Variants in COBLL1 observed in about 807,000 individuals in gnomAD.
The protein encoded by COBLL1 is cordon-bleu WH2 repeat protein like 1, also known as cordon-bleu protein-like 1.
COBLL1 carries 50 observed loss-of-function variants against 94.8 expected under a neutral mutation model. That is an observed-to-expected ratio of 0.53 (90% CI 0.42 to 0.67). The LOEUF (loss-of-function observed/expected upper bound fraction) is 0.67. Ranked by LOEUF, COBLL1 falls within the 30% of genes least tolerant of loss-of-function variation. COBLL1 has a pLI of 0.00. For synonymous variants in COBLL1, 448 were observed against 473.8 expected, an observed-to-expected ratio of 0.95 and a Z score of 0.71; for missense variants, 1,362 against 1,348.7, an observed-to-expected ratio of 1.01 and a Z score of -0.15.
In COBLL1 at chr2:164,701,671, T is replaced by TA. The variant is rs3835923; in HGVS notation, c.1226-916dup. On this transcript the variant is annotated intron_variant, in intron 9 of 13. Transcript: ENST00000652658. Reference sequence around the variant, plus strand: ...TAGCTGTGGTTAACATTTCACTGTATAAAAAAAATGTATTTTATCACCAAC... The same window carrying TA: ...TAGCTGTGGTTAACATTTCACTGTATAAAAAAAAATGTATTTTATCACCAAC... 9.2e-5 allele frequency among the ~76,000 whole-genome samples: 14 copies of TA among 151,878 alleles called. No homozygotes were observed. The East Asian group carries it at 9.7e-4, about 10-fold the overall frequency.
chr2:164,841,131 A>T lies in COBLL1; in HGVS notation c.41+25T>A. On this transcript the variant is annotated intron_variant, in intron 2 of 13. Transcript: ENST00000652658. The surrounding 1 kb of genome is among the most constrained non-coding windows in gnomAD (Gnocchi z 5.5). ...CGCCGGCCTCGCCCTCCCCGGTGAG[A>T]GGCGGCGCGGCGCTCTGGGCTTACC... 8.1e-7 allele frequency: 1 copy of T among 1,229,294 alleles called. No individual in the cohort carries two copies. The allele number at this position is 1,229,294 out of a possible 1,614,324, so 76.1% of individuals were successfully genotyped here. A position where few individuals can be genotyped will look rare whatever the true frequency, so the allele number is the denominator to read the frequency against.
At chr2:164,703,551 CTGAGAG>C (rs1470541669) in intron 9 of COBLL1, 2 of 403,432 alleles carry the variant, frequency 5.0e-6, no homozygotes, top group Non-Finnish European at 9.6e-6. Context: ...TACTAGTTAT[CTGAGAG>C]TAAGATTTAA....
At chr2:164,769,887 T>C (rs1438497890) in intron 2 of COBLL1, among the ~76,000 whole-genome samples, 1 of 152,172 alleles carries the variant, frequency 6.6e-6, no homozygotes, top group Non-Finnish European at 1.5e-5. Context: ...TTTATTATTT[T>C]ACAATATTAA....
chr2:164,759,914 G>T (rs571367977), intron 2 of COBLL1, among the ~76,000 whole-genome samples: 9 of 152,130 alleles, frequency 5.9e-5, no homozygotes, highest in Non-Finnish European at 1.3e-4. Context: ...CAAGAAAGTG[G>T]AGAAACTGGC....
At chr2:164,795,913 G>C (rs1317738895) in intron 2 of COBLL1, among the ~76,000 whole-genome samples, 1 of 152,176 alleles carries the variant, frequency 6.6e-6, no homozygotes, top group Non-Finnish European at 1.5e-5. Flanking sequence ...GTCAGACTTA[G>C]AAAGCAGCAC....
chr2:164,795,054 CTCT>C (rs1683373041), intron 2 of COBLL1, among the ~76,000 whole-genome samples: 1 of 152,152 alleles, frequency 6.6e-6, no homozygotes, highest in Non-Finnish European at 1.5e-5. Context: ...CCTTCGAGGA[CTCT>C]TTTCATCTTC....
rs766869360 is a variant in COBLL1, at chr2:164,728,097, C to T, written c.533G>A (p.Ser178Asn). 2.6e-5 allele frequency: 42 copies of T among 1,613,636 alleles called. No homozygotes were observed. In the East Asian group the frequency reaches 8.7e-4, roughly 33 times the overall value. The change falls in exon 5 of 14, where the codon AGC becomes AAC. Residue 178 changes from serine to asparagine, a missense_variant. By Grantham distance (46) the Ser-to-Asn change is conservative. Coordinates refer to ENST00000652658, the MANE Select transcript of COBLL1 (RefSeq NM_001365672.2). ...SLQELAPIIC[S>N]KCEFDPLHTL... Reference sequence around the variant, plus strand: ...ATGCAACGGATCAAACTCACATTTGCTACATATAATAGGGGCAAGCTCTTG... The same window carrying T: ...ATGCAACGGATCAAACTCACATTTGTTACATATAATAGGGGCAAGCTCTTG...
At chr2:164,672,998 T>G (rs940830195) in intron 1 of COBLL1, among the ~76,000 whole-genome samples, 6 of 152,166 alleles carry the variant, frequency 3.9e-5, no homozygotes, top group African/African-American at 7.2e-5. Context: ...ATAAAACTGA[T>G]TCTAGCAAAA....
intron 2 of COBLL1, among the ~76,000 whole-genome samples, chr2:164,795,758 CTTAAAATATACATTTTCT>C (rs1683417384): frequency 6.6e-6 from 1 of 152,154 alleles, no homozygotes; most frequent in Admixed American, 6.5e-5. Flanking sequence ...GATCAACAAT[CTTAAAATATACATTTTCT>C]TTAAAAACTG....
At chr2:164,706,113 A>G (rs148941316) in intron 7 of COBLL1, among the ~76,000 whole-genome samples, 2 of 152,336 alleles carry the variant, frequency 1.3e-5, no homozygotes, top group Admixed American at 6.5e-5. Flanking sequence ...AATCCTTTCA[A>G]TGATACTTTT....
chr2:164,786,583 T>C (rs1218698908), intron 2 of COBLL1, among the ~76,000 whole-genome samples: 1 of 152,082 alleles, frequency 6.6e-6, no homozygotes, highest in Non-Finnish European at 1.5e-5. Context: ...CAACAGTCAG[T>C]GATAACACTA....
At chr2:164,715,611 A>G (rs1044708759) in intron 7 of COBLL1, among the ~76,000 whole-genome samples, 1 of 152,142 alleles carries the variant, frequency 6.6e-6, no homozygotes, top group African/African-American at 2.4e-5. Context: ...ATCTGCTTAT[A>G]AACCATGATA....
At position 164,680,356 on chromosome 2, in the gene COBLL1, G is replaced by A. The variant is rs926710572; in HGVS notation, c.*5590C>T. ...TGATGACATTACCAAAATTTCCTAAGTATATTATTTTCTGATCCCTTGAAG... is the reference window on the plus strand; with the variant it reads ...TGATGACATTACCAAAATTTCCTAAATATATTATTTTCTGATCCCTTGAAG... On this transcript the variant is annotated 3_prime_UTR_variant, in exon 14 of 14. Transcript: ENST00000652658. The A allele has an allele frequency of 6.6e-6, 1 of 151,958 alleles. No individual in the cohort carries two copies. The highest frequency in any genetic ancestry group is 2.4e-5 in the African/African-American group (1 of 41,370). The allele number at this position is 151,958 out of a possible 1,614,324, so 9.4% of individuals were successfully genotyped here. A position where few individuals can be genotyped will look rare whatever the true frequency, so the allele number is the denominator to read the frequency against.
intron 2 of COBLL1, among the ~76,000 whole-genome samples, chr2:164,768,048 A>C (rs986250962): frequency 1.3e-5 from 2 of 152,150 alleles, no homozygotes; most frequent in African/African-American, 4.8e-5. Context: ...TGTTGACTGA[A>C]GTTTAAGAAC....
intron 2 of COBLL1, among the ~76,000 whole-genome samples, chr2:164,770,995 T>A (rs3769897): frequency 0.066 from 10,114 of 152,182 alleles, 379 homozygotes; most frequent in East Asian, 0.14. Context: ...TGATCTCGCA[T>A]AAAGATCATT....
rs138980931 is a variant in COBLL1, at chr2:164,804,282, A to T, written c.41+36874T>A. ...AGTCATTCAGACCAGCAATCTCCAGACGTATTGGATCACACAACTCTATGA... is the reference window on the plus strand; with the variant it reads ...AGTCATTCAGACCAGCAATCTCCAGTCGTATTGGATCACACAACTCTATGA... On this transcript the variant is annotated intron_variant, in intron 2 of 13. Coordinates refer to ENST00000652658, the MANE Select transcript of COBLL1 (RefSeq NM_001365672.2). Among the ~76,000 whole-genome samples, 1,072 of 152,242 alleles carry T rather than the reference A, an allele frequency of 7.0e-3. 13 individuals are homozygous for T. Among genetic ancestry groups the T allele is most frequent in the African/African-American group, 0.025 (1,027 of 41,538 alleles).
At chr2:164,825,279 C>A (rs1162803420) in intron 2 of COBLL1, among the ~76,000 whole-genome samples, 1 of 152,134 alleles carries the variant, frequency 6.6e-6, no homozygotes, top group Non-Finnish European at 1.5e-5. Flanking sequence ...ATCTCTGAAG[C>A]AATTAAGGCT....
intron 2 of COBLL1, among the ~76,000 whole-genome samples, chr2:164,658,751 G>A (rs926477251): frequency 6.6e-6 from 1 of 152,150 alleles, no homozygotes; most frequent in African/African-American, 2.4e-5. Flanking sequence ...TTCCTTCTTT[G>A]GTGGCTAGCC....
At chr2:164,711,937 G>A (rs1684920315) in intron 7 of COBLL1, among the ~76,000 whole-genome samples, 2 of 152,144 alleles carry the variant, frequency 1.3e-5, no homozygotes, top group Admixed American at 1.3e-4. Flanking sequence ...ACTTCTAACA[G>A]GAATGCACAT....
Sources: gnomAD v4.1 joint callset for allele counts (sites outside exome capture counted in the v4.1 genomes callset) on GRCh38, gnomAD v4.1.1 for gene constraint, Gnocchi (gnomAD v3.1) non-coding constraint, MANE v1.5 for transcripts, NCBI Gene and HGNC (gene_info 2026-07-23, HGNC 2026-07-21) for gene names.